Variants in NDUFAF6 observed in about 807,000 individuals in gnomAD.
The protein encoded by NDUFAF6 is NADH:ubiquinone oxidoreductase complex assembly factor 6.
A neutral mutation model predicts 40.8 loss-of-function variants in NDUFAF6; 45 were observed. The observed-to-expected ratio is 1.10, with a 90% CI of 0.87 to 1.42. The LOEUF is 1.42. Among genes scored for constraint, NDUFAF6 ranks in the 40% most tolerant of loss-of-function variants. NDUFAF6 has a pLI of 0.00. For missense variants in NDUFAF6, 435 were observed against 418.5 expected, an observed-to-expected ratio of 1.04 and a Z score of -0.34; for synonymous variants, 185 against 155.9, an observed-to-expected ratio of 1.19 and a Z score of -1.39.
chr8:95,088,064 G>C (rs1809107867), intron 2 of NDUFAF6: 1 of 152,332 alleles, frequency 6.6e-6, no homozygotes, highest in African/African-American at 2.4e-5. Context: ...GCTGGCCCTG[G>C]CACCTTGGGC....
intron 1 of NDUFAF6, among the ~76,000 whole-genome samples, chr8:94,974,112 T>A (rs7827478): frequency 4.0e-5 from 6 of 151,850 alleles, no homozygotes; most frequent in Non-Finnish European, 4.4e-5. Context: ...CACCCTGCAC[T>A]GTGGCCATTA....
chr8:95,013,990 G>T (rs1260378735), intron 2 of NDUFAF6, among the ~76,000 whole-genome samples: 4 of 152,204 alleles, frequency 2.6e-5, no homozygotes, highest in African/African-American at 7.2e-5. Flanking sequence ...AGAGATCAGG[G>T]CAATGCTTCT....
chr8:94,957,467 G>A (rs914820420), upstream of NDUFAF6, among the ~76,000 whole-genome samples: 1 of 152,196 alleles, frequency 6.6e-6, no homozygotes, highest in Non-Finnish European at 1.5e-5. Flanking sequence ...AGAAGAGTGA[G>A]AAGGGACAGC....
chr8:95,013,672 G>A (rs1222317002), intron 2 of NDUFAF6, among the ~76,000 whole-genome samples: 1 of 152,152 alleles, frequency 6.6e-6, no homozygotes, highest in Admixed American at 6.5e-5. Flanking sequence ...TTACATCCTA[G>A]TTATGGGGGA....
downstream of NDUFAF6, among the ~76,000 whole-genome samples, chr8:95,079,538 A>G (rs895114508): frequency 6.6e-6 from 1 of 152,126 alleles, no homozygotes; most frequent in East Asian, 1.9e-4. Context: ...TGGAATCACT[A>G]AGTCTCTAAA....
intron 1 of NDUFAF6, among the ~76,000 whole-genome samples, chr8:94,975,157 C>T (rs1470802963): frequency 3.3e-5 from 5 of 152,212 alleles, no homozygotes; most frequent in African/African-American, 1.2e-4. Context: ...CCTCCACCCC[C>T]TGTAACTGTT....
intron 1 of NDUFAF6, among the ~76,000 whole-genome samples, chr8:95,031,237 C>T (rs1828800864): frequency 1.3e-5 from 2 of 152,216 alleles, no homozygotes; most frequent in South Asian, 4.1e-4. Flanking sequence ...GGGGTGGGGG[C>T]TGGGGGCATT....
chr8:94,928,164 T>G (rs1820063418), intron 1 of NDUFAF6: 1 of 152,104 alleles, frequency 6.6e-6, no homozygotes, highest in Non-Finnish European at 1.5e-5. Flanking sequence ...CCAACGAATG[T>G]AATTTTTTGT....
At chr8:94,994,253 C>T (rs1826319205) in intron 2 of NDUFAF6, among the ~76,000 whole-genome samples, 2 of 152,058 alleles carry the variant, frequency 1.3e-5, no homozygotes, top group African/African-American at 4.8e-5. Context: ...CCTTGAAAGC[C>T]ATGTTAAAAA....
At chr8:94,992,587 T>C (rs892337203) in intron 2 of NDUFAF6, among the ~76,000 whole-genome samples, 1 of 152,232 alleles carries the variant, frequency 6.6e-6, no homozygotes, top group African/African-American at 2.4e-5. Context: ...GTTGATACTC[T>C]TCTTCCCTTC....
chr8:94,995,593 T>TG (rs1826390295), intron 2 of NDUFAF6, among the ~76,000 whole-genome samples: 1 of 148,964 alleles, frequency 6.7e-6, no homozygotes, highest in Admixed American at 6.6e-5. Flanking sequence ...AAATAAAACT[T>TG]GAAAAAAAAA....
intron 9 of NDUFAF6, chr8:95,071,744 A>G (rs1832871123): frequency 6.6e-6 from 1 of 152,220 alleles, no homozygotes; most frequent in East Asian, 1.9e-4. Context: ...CTCCTACTTT[A>G]CCCAAGAGGT....
At chr8:94,956,093 T>C (rs1823045196), upstream of NDUFAF6, among the ~76,000 whole-genome samples, 1 of 152,236 alleles carries the variant, frequency 6.6e-6, no homozygotes, top group Non-Finnish European at 1.5e-5. Flanking sequence ...ACTTTAGGCT[T>C]GACCTCTCTT....
intron 2 of NDUFAF6, among the ~76,000 whole-genome samples, chr8:94,998,339 T>C (rs1310010709): frequency 1.3e-5 from 2 of 151,952 alleles, no homozygotes; most frequent in Middle Eastern, 3.4e-3. Flanking sequence ...TTGTTACCCA[T>C]TTCCTTTGTA....
chr8:94,970,108 A>G (rs1396336228), intron 1 of NDUFAF6, among the ~76,000 whole-genome samples: 1 of 152,064 alleles, frequency 6.6e-6, no homozygotes, highest in Non-Finnish European at 1.5e-5. Context: ...ACAAAAAATT[A>G]GCCAGGTGTG....
chr8:94,901,749 G>T (rs1270622487), intron 1 of NDUFAF6, among the ~76,000 whole-genome samples: 3 of 151,946 alleles, frequency 2.0e-5, no homozygotes, highest in African/African-American at 7.3e-5. Context: ...TCCTGGCTAA[G>T]TTTTTTTGTA....
chr8:94,943,005 A>G (rs1821690337), intron 1 of NDUFAF6, among the ~76,000 whole-genome samples: 1 of 152,222 alleles, frequency 6.6e-6, no homozygotes, highest in African/African-American at 2.4e-5. Flanking sequence ...ATTTAGGGAA[A>G]CAGGAATGAA....
At chr8:94,991,362 A>C (rs1826182467) in intron 2 of NDUFAF6, among the ~76,000 whole-genome samples, 1 of 152,192 alleles carries the variant, frequency 6.6e-6, no homozygotes, top group Non-Finnish European at 1.5e-5. Context: ...CTCAGGCAAC[A>C]GTTTGAGTGA....
At chr8:95,014,023 C>T (rs756602938) in intron 2 of NDUFAF6, among the ~76,000 whole-genome samples, 3 of 152,182 alleles carry the variant, frequency 2.0e-5, no homozygotes, top group Non-Finnish European at 4.4e-5. Context: ...ACACTGAAGA[C>T]TGTCAGCAAA....
Sources: allele counts gnomAD v4.1 joint callset (sites outside exome capture counted in the v4.1 genomes callset), GRCh38; gene constraint gnomAD v4.1.1; transcripts MANE v1.5; gene names NCBI Gene and HGNC (gene_info 2026-07-23, HGNC 2026-07-21).